ARF4: variants seen among roughly 807,000 people sequenced by gnomAD.
ARF4 encodes the protein ADP-ribosylation factor 4.
ARF4 carries 5 observed loss-of-function variants against 24.3 expected under a neutral mutation model. The observed-to-expected ratio is 0.21, with a 90% CI of 0.11 to 0.43. ARF4 has a LOEUF of 0.43. Ranked by LOEUF, ARF4 falls within the 20% of genes least tolerant of loss-of-function variation. ARF4 has a pLI of 1.00. For synonymous variants in ARF4, 62 were observed against 73.5 expected (o/e 0.84, Z 0.80); for missense variants, 107 against 213.0 (o/e 0.50, Z 3.10).
intron 5 of ARF4, among the ~76,000 whole-genome samples, chr3:57,572,702 C>G (rs1005937161): frequency 2.0e-5 from 3 of 151,880 alleles, no homozygotes; most frequent in Non-Finnish European, 4.4e-5. Flanking sequence ...TCTACCTATT[C>G]ATTATATTTA....
chr3:57,588,370 G>T (rs914228858), intron 1 of ARF4, among the ~76,000 whole-genome samples: 6 of 152,062 alleles, frequency 3.9e-5, no homozygotes. Flanking sequence ...TTTGAAACCA[G>T]CCTGGTCAAC....
At chr3:57,585,725 C>T (rs2070028485) in intron 1 of ARF4, among the ~76,000 whole-genome samples, 1 of 143,942 alleles carries the variant, frequency 6.9e-6, no homozygotes, top group Non-Finnish European at 1.5e-5. Context: ...TGCAATGGTG[C>T]AATATCAGCT....
At chr3:57,583,315 T>C (rs2069998688) in intron 3 of ARF4, among the ~76,000 whole-genome samples, 1 of 152,172 alleles carries the variant, frequency 6.6e-6, no homozygotes, top group Admixed American at 6.5e-5. Flanking sequence ...ATTCAAGTCA[T>C]CTAGGGGATG....
In ARF4 at chr3:57,580,326, T is replaced by G. The variant is rs2069954006; in HGVS notation, c.259-2939A>C. On this transcript the variant is annotated intron_variant, in intron 3 of 5. Transcript: ENST00000303436. ...TTCTTGGCTTATCATGGGCATTTAT[T>G]TAGCAAATATGTCTCCTCCTTTCCA... is the stretch of plus-strand genomic sequence containing the variant. Among the ~76,000 whole-genome samples, 4 of 152,232 alleles carry G rather than the reference T, an allele frequency of 2.6e-5. No homozygotes were observed. The South Asian group carries it at 8.3e-4, about 31-fold the overall frequency.
intron 1 of ARF4, among the ~76,000 whole-genome samples, chr3:57,588,954 T>C (rs2070070907): frequency 6.6e-6 from 1 of 151,750 alleles, no homozygotes; most frequent in Non-Finnish European, 1.5e-5. Context: ...AATACAAAAT[T>C]AGCTGGGTGT....
chr3:57,586,394 A>C (rs958583723), intron 1 of ARF4, among the ~76,000 whole-genome samples: 1 of 152,232 alleles, frequency 6.6e-6, no homozygotes, highest in Non-Finnish European at 1.5e-5. Context: ...CTATGCAAGT[A>C]AGTCTATCTT....
At chr3:57,596,133 A>G (rs938937201) in intron 1 of ARF4, among the ~76,000 whole-genome samples, 2 of 152,148 alleles carry the variant, frequency 1.3e-5, no homozygotes, top group Non-Finnish European at 1.5e-5. Flanking sequence ...CAGCCAACTG[A>G]CAGCCCTTCT....
intron 3 of ARF4, among the ~76,000 whole-genome samples, chr3:57,578,500 T>C (rs1304962692): frequency 4.2e-5 from 6 of 141,512 alleles, no homozygotes; most frequent in Non-Finnish European, 9.6e-5. Context: ...GCTTCTTTTC[T>C]CAGACAGGGT....
intron 5 of ARF4, among the ~76,000 whole-genome samples, chr3:57,574,053 T>TGCCTCA (rs1559782165): frequency 6.6e-6 from 1 of 152,126 alleles, no homozygotes; most frequent in Admixed American, 6.5e-5. Flanking sequence ...GTGATTCTCC[T>TGCCTCA]GCCTCAGCCT....
At chr3:57,596,896 CGG>C in intron 1 of ARF4, 176 bp downstream of exon 1, 1 of 622,158 alleles carries the variant, frequency 1.6e-6, no homozygotes, top group South Asian at 1.9e-5. Flanking sequence ...AGATCGGGGG[CGG>C]GGGGGATCGC....
intron 1 of ARF4, among the ~76,000 whole-genome samples, chr3:57,589,437 A>C (rs1159074908): frequency 6.6e-6 from 1 of 151,906 alleles, no homozygotes; most frequent in Non-Finnish European, 1.5e-5. Context: ...CAAACAAACA[A>C]GGCCGGGCCC....
At chr3:57,594,451 A>G (rs977367426) in intron 1 of ARF4, among the ~76,000 whole-genome samples, 5 of 152,202 alleles carry the variant, frequency 3.3e-5, no homozygotes, top group African/African-American at 7.2e-5. Flanking sequence ...ACTTACCCTT[A>G]TAACTAGTAC....
At chr3:57,591,889 C>T (rs760742258) in intron 1 of ARF4, among the ~76,000 whole-genome samples, 11 of 151,974 alleles carry the variant, frequency 7.2e-5, no homozygotes, top group Non-Finnish European at 1.3e-4. Context: ...AAACAGATTA[C>T]GGGCTGGGAA....
At position 57,576,633 on chromosome 3, in the gene ARF4, G is replaced by A. The variant is rs186616512; in HGVS notation, c.330+683C>T. ...ACAAACTGCCCTCTAATCTTAGGAG[G>A]AATGAACAAGAATTAAGATTTCATT... is the stretch of plus-strand genomic sequence containing the variant. On this transcript the variant is annotated intron_variant, in intron 4 of 5. Transcript: ENST00000303436. Among the ~76,000 whole-genome samples, 121 of 151,682 alleles carry A rather than the reference G, an allele frequency of 8.0e-4. 1 individual carries two copies. The highest frequency in any genetic ancestry group is 2.4e-3 in the African/African-American group (101 of 41,366).
chr3:57,581,504 CT>C (rs1166724477), intron 3 of ARF4, among the ~76,000 whole-genome samples: 4 of 152,152 alleles, frequency 2.6e-5, no homozygotes, highest in Non-Finnish European at 5.9e-5. Context: ...ATATCTAACT[CT>C]TTCAAAATAT....
intron 4 of ARF4, among the ~76,000 whole-genome samples, chr3:57,575,889 C>A (rs958466746): frequency 2.0e-5 from 3 of 152,154 alleles, no homozygotes; most frequent in African/African-American, 7.2e-5. Flanking sequence ...GAACTGTTTT[C>A]CAAGTCAATC....
chr3:57,580,542 C>T (rs2153408745), intron 3 of ARF4, among the ~76,000 whole-genome samples: 1 of 152,104 alleles, frequency 6.6e-6, no homozygotes, highest in Non-Finnish European at 1.5e-5. Flanking sequence ...GCTGGGACTA[C>T]AGGAGTATGC....
intron 1 of ARF4, 62 bp downstream of exon 1, chr3:57,597,012 C>T: frequency 1.9e-6 from 3 of 1,573,582 alleles, no homozygotes; most frequent in East Asian, 2.3e-5. Flanking sequence ...GCCCAGAGGC[C>T]ACCCCAATTG....
chr3:57,573,702 C>T (rs1207234057), intron 5 of ARF4, among the ~76,000 whole-genome samples: 1 of 151,162 alleles, frequency 6.6e-6, no homozygotes, highest in Non-Finnish European at 1.5e-5. Flanking sequence ...TGCCTTCAGC[C>T]TCCCAAGTAG....
Sources: allele counts gnomAD v4.1 joint callset (sites outside exome capture counted in the v4.1 genomes callset), GRCh38; gene constraint gnomAD v4.1.1; transcripts MANE v1.5; gene names NCBI Gene and HGNC (gene_info 2026-07-23, HGNC 2026-07-21).